The following NOSIP variants were observed in gnomAD, a reference collection of about 807,000 sequenced individuals.
The protein encoded by NOSIP is nitric oxide synthase interacting protein.
Under a neutral mutation model 36.4 loss-of-function variants are expected in NOSIP, and 25 were observed. The observed-to-expected ratio is 0.69, with a 90% CI of 0.50 to 0.96. NOSIP has a LOEUF of 0.96. Among genes scored for constraint, NOSIP ranks in the 40% least tolerant of loss-of-function variants. The pLI is 0.00. For synonymous variants in NOSIP, 187 were observed against 179.2 expected, an observed-to-expected ratio of 1.04 and a Z score of -0.35; for missense variants, 370 against 429.0, an observed-to-expected ratio of 0.86 and a Z score of 1.21.
chr19:49,558,912 A>T lies in NOSIP; in HGVS notation c.243T>A (p.Ile81=). 6.2e-7 allele frequency: 1 copy of T among 1,614,068 alleles called. No individual in the cohort carries two copies. The highest frequency in any genetic ancestry group is 1.7e-5 in the Admixed American group (1 of 60,002). ...TCCCCATCACCTTCATCTGCCGGGC[A>T]ATCTCCTTCTTCTGGTGCAGAATGT... ...LEYILHQKKE[I]ARQMKAYEKQ... is the part of the protein sequence containing the mutation. Residue 81 remains isoleucine, a synonymous_variant, in exon 4 of 9, where the codon ATT becomes ATA. Coordinates refer to ENST00000596358, the MANE Select transcript of NOSIP (RefSeq NM_001270960.2).
chr19:49,572,111 T>C lies in NOSIP; in HGVS notation c.-2+8404A>G, dbSNP rs532259861. 5.2e-4 allele frequency among the ~76,000 whole-genome samples: 79 copies of C among 151,838 alleles called. 2 individuals are homozygous for C. In the South Asian group the frequency reaches 0.013, roughly 25 times the overall value. ...CAGATGCTAAATTTTCTTTTTTTTT[T>C]CTTTTTTTTTTGAGATGGAGTTTCG... On this transcript the variant is annotated intron_variant, in intron 1 of 8. Coordinates refer to ENST00000596358, the MANE Select transcript of NOSIP (RefSeq NM_001270960.2).
At chr19:49,565,250 G>A (rs909275889) in intron 1 of NOSIP, among the ~76,000 whole-genome samples, 2 of 151,144 alleles carry the variant, frequency 1.3e-5, no homozygotes, top group Non-Finnish European at 2.9e-5. Context: ...TCCAGCCTGG[G>A]AGTCAGAGTG....
At chr19:49,571,769 A>G (rs2080486787) in intron 1 of NOSIP, among the ~76,000 whole-genome samples, 1 of 152,044 alleles carries the variant, frequency 6.6e-6, no homozygotes, top group Non-Finnish European at 1.5e-5. Flanking sequence ...GGTGGATCAC[A>G]AGGTCAAGAT....
At chr19:49,557,450 T>G in intron 4 of NOSIP, 2 of 1,415,300 alleles carry the variant, frequency 1.4e-6, no homozygotes, top group South Asian at 1.5e-5. Flanking sequence ...AAAGCCCATC[T>G]CTGTCACTCT....
At chr19:49,565,838 C>T (rs1330817801) in intron 1 of NOSIP, among the ~76,000 whole-genome samples, 1 of 152,054 alleles carries the variant, frequency 6.6e-6, no homozygotes, top group African/African-American at 2.4e-5. Flanking sequence ...TCCCCATCAG[C>T]CCACCAGGCA....
intron 4 of NOSIP, 170 bp downstream of exon 4, chr19:49,558,727 A>C: frequency 1.5e-6 from 1 of 681,592 alleles, no homozygotes; most frequent in South Asian, 1.6e-5. Context: ...AGCTCAGAGG[A>C]GGCAGCATCT....
At chr19:49,562,190 T>C (rs1385926232) in intron 1 of NOSIP, among the ~76,000 whole-genome samples, 1 of 152,144 alleles carries the variant, frequency 6.6e-6, no homozygotes, top group East Asian at 1.9e-4. Context: ...AGCATGATCT[T>C]GGCTCACTGA....
intron 1 of NOSIP, among the ~76,000 whole-genome samples, chr19:49,572,709 C>T (rs1050042968): frequency 1.3e-5 from 2 of 151,924 alleles, no homozygotes; most frequent in East Asian, 1.9e-4. Flanking sequence ...AGCAGTGGCT[C>T]ACGCCTGTAA....
rs551642728 is a variant in NOSIP, at chr19:49,556,817, A to G, written c.537+58T>C. The G allele has an allele frequency of 6.5e-5, 103 of 1,595,274 alleles. No homozygotes were observed. The African/African-American group carries it at 1.3e-3, about 20-fold the overall frequency. ...CGCGTGGTCCCTGTGCGTGAGGAGG[A>G]CGGTGGGGAACCCTGGCGCCCTGGC... On this transcript the variant is annotated intron_variant, in intron 6 of 8. Transcript: ENST00000596358.
At chr19:49,562,700 G>A (rs1341879794) in intron 1 of NOSIP, among the ~76,000 whole-genome samples, 1 of 152,094 alleles carries the variant, frequency 6.6e-6, no homozygotes, top group African/African-American at 2.4e-5. Flanking sequence ...GGCCAACATG[G>A]TGAAACCCTG....
At chr19:49,565,427 T>C (rs1010867870) in intron 1 of NOSIP, among the ~76,000 whole-genome samples, 5 of 152,042 alleles carry the variant, frequency 3.3e-5, no homozygotes, top group East Asian at 1.9e-4. Context: ...TAGACAGTTA[T>C]GCTTTCTGTA....
chr19:49,556,345 G>C lies in NOSIP; in HGVS notation c.806C>G (p.Thr269Arg). 6.2e-7 allele frequency: 1 copy of C among 1,613,440 alleles called. No homozygotes were observed. Among genetic ancestry groups the C allele is most frequent in the Non-Finnish European group, 8.5e-7 (1 of 1,179,764 alleles). ...MVDPVTGDKL[T>R]DRDIIVLQRG... ...CTGCAGCACGATGATGTCGCGGTCT[G>C]TGAGTTTGTCTCCAGTCACAGGGTC... The change falls in exon 8 of 9, where the codon ACA (threonine) becomes AGA (arginine). Residue 269 changes from threonine to arginine, a missense_variant. Physicochemically the swap from Thr to Arg is moderately conservative, Grantham distance 71 (BLOSUM62 -1). Coordinates refer to ENST00000596358, the MANE Select transcript of NOSIP (RefSeq NM_001270960.2).
chr19:49,576,566 C>T (rs1233061749), intron 1 of NOSIP, among the ~76,000 whole-genome samples: 1 of 150,208 alleles, frequency 6.7e-6, no homozygotes, highest in African/African-American at 2.5e-5. Context: ...GACTGAGTGA[C>T]AGAGTGAGAC....
At chr19:49,559,862 C>G in intron 3 of NOSIP, 72 bp downstream of exon 3, 2 of 1,128,254 alleles carry the variant, frequency 1.8e-6, no homozygotes, top group East Asian at 5.1e-5. Flanking sequence ...GCCAGACCCA[C>G]GCACACAGCC....
intron 1 of NOSIP, among the ~76,000 whole-genome samples, chr19:49,577,346 C>T (rs1304721759): frequency 6.6e-6 from 1 of 151,964 alleles, no homozygotes; most frequent in Non-Finnish European, 1.5e-5. Flanking sequence ...ATCATGAGGT[C>T]AAGAAATCGA....
At position 49,560,107 on chromosome 19, in the gene NOSIP, C is replaced by G; in HGVS notation, c.71-68G>C. ...AGGAGACATGTCCGTCTCCAAAGCC[C>G]CAGAGAGAGGCACAGAGACAACGCG... On this transcript the variant is annotated intron_variant, in intron 2 of 8. Transcript: ENST00000596358. This position sits in a 1 kb window ranked among gnomAD's most constrained non-coding sequence, Gnocchi z 4.6. The G allele has an allele frequency of 1.8e-6, 2 of 1,097,040 alleles. No homozygotes were observed. Among genetic ancestry groups the G allele is most frequent in the Non-Finnish European group, 2.7e-6 (2 of 740,554 alleles). 68.0% of individuals were successfully genotyped at this position (1,097,040 alleles called of 1,614,324 possible). A position where few individuals can be genotyped will look rare whatever the true frequency, so the allele number is the denominator to read the frequency against.
chr19:49,561,774 C>G (rs1338910536), intron 1 of NOSIP, among the ~76,000 whole-genome samples: 1 of 151,660 alleles, frequency 6.6e-6, no homozygotes, highest in African/African-American at 2.4e-5. Flanking sequence ...CCCAACTACT[C>G]GGGAGGCTGA....
rs1391841312 is a variant in NOSIP, at chr19:49,555,915, G to T, written c.835-93C>A. 6 of 892,034 alleles carry T rather than the reference G, an allele frequency of 6.7e-6. No individual in the cohort carries two copies. In the East Asian group the frequency reaches 1.2e-4, roughly 18 times the overall value. The allele number at this position is 892,034 out of a possible 1,614,324, so 55.3% of individuals were successfully genotyped here. A position where few individuals can be genotyped will look rare whatever the true frequency, so the allele number is the denominator to read the frequency against. The stretch of plus-strand genomic sequence containing the variant: ...TAGTGGGGATTCCTAAGCGGGTCAA[G>T]GTGAAGCGGGTTGCTGGCTAAGGAG... On this transcript the variant is annotated intron_variant, in intron 8 of 8. Coordinates refer to ENST00000596358, the MANE Select transcript of NOSIP (RefSeq NM_001270960.2).
chr19:49,560,119 A>G lies in NOSIP; in HGVS notation c.71-80T>C, dbSNP rs2080312178. ...CGTCTCCAAAGCCCCAGAGAGAGGC[A>G]CAGAGACAACGCGGTGGTGGGGGTG... On this transcript the variant is annotated intron_variant, in intron 2 of 8. Coordinates refer to ENST00000596358, the MANE Select transcript of NOSIP (RefSeq NM_001270960.2). This position sits in a 1 kb window ranked among gnomAD's most constrained non-coding sequence, Gnocchi z 4.6. 3 of 938,910 alleles carry G rather than the reference A, an allele frequency of 3.2e-6. No individual in the cohort carries two copies. The highest frequency in any genetic ancestry group is 4.6e-5 in the Admixed American group (2 of 43,112). 58.2% of individuals were successfully genotyped at this position (938,910 alleles called of 1,614,324 possible). A position where few individuals can be genotyped will look rare whatever the true frequency, so the allele number is the denominator to read the frequency against.
Sources: allele counts gnomAD v4.1 joint callset (sites outside exome capture counted in the v4.1 genomes callset), GRCh38; gene constraint gnomAD v4.1.1; non-coding constraint Gnocchi (gnomAD v3.1); transcripts MANE v1.5; gene names NCBI Gene and HGNC (gene_info 2026-07-23, HGNC 2026-07-21).